Variants in NCOR1 observed in about 807,000 individuals in gnomAD.
The protein encoded by NCOR1 is protein phosphatase 1, regulatory subunit 109.
NCOR1 carries 63 observed loss-of-function variants against 288.1 expected under a neutral mutation model. That is an observed-to-expected ratio of 0.22 (90% CI 0.18 to 0.27). NCOR1 has a LOEUF of 0.27. Ranked by LOEUF, NCOR1 falls within the 10% of genes least tolerant of loss-of-function variation. The pLI is 1.00. For synonymous variants in NCOR1, 1,007 were observed against 1,065.9 expected, an observed-to-expected ratio of 0.94 and a Z score of 1.08; for missense variants, 2,397 against 3,019.2, an observed-to-expected ratio of 0.79 and a Z score of 4.83.
chr17:16,140,751 T>C lies in NCOR1; in HGVS notation c.1174-1565A>G, dbSNP rs1033091783. ...ATCGCTTGAACCTGGGACGCGGAGGTTGCAGTGAGCCAAGATCGTGCCACT... is the reference window on the plus strand; with the variant it reads ...ATCGCTTGAACCTGGGACGCGGAGGCTGCAGTGAGCCAAGATCGTGCCACT... On this transcript the variant is annotated intron_variant, in intron 11 of 45. Transcript: ENST00000268712. Among the ~76,000 whole-genome samples the C allele has an allele frequency of 5.9e-5, 9 of 151,954 alleles. 1 individual carries two copies. The highest frequency in any genetic ancestry group is 5.2e-4 in the Admixed American group (8 of 15,240).
At chr17:16,044,988 G>A in intron 42 of NCOR1, 1 of 480,392 alleles carries the variant, frequency 2.1e-6, no homozygotes, top group Non-Finnish European at 3.8e-6. Flanking sequence ...TCAATACAAA[G>A]CTGAACTTAA....
rs79497409 is a variant in NCOR1 at position 16,213,409 on chromosome 17, C to T, written c.-71+1953G>A. Among the ~76,000 whole-genome samples the T allele has an allele frequency of 2.6e-3, 385 of 148,188 alleles. 2 individuals carry two copies. Among genetic ancestry groups the T allele is most frequent in the African/African-American group, 9.1e-3 (367 of 40,118 alleles). On this transcript the variant is annotated intron_variant, in intron 1 of 45. Coordinates refer to ENST00000268712, the MANE Select transcript of NCOR1 (RefSeq NM_006311.4). ...TCGGGAGGCTGAGGCAGAAGAATTG[C>T]TTGAACCCGGAGGCGGAGGTTGCAA...
chr17:16,071,657 T>C lies in NCOR1; in HGVS notation c.3904A>G (p.Arg1302Gly). 1 of 1,609,200 alleles carries C rather than the reference T, an allele frequency of 6.2e-7. No homozygotes were observed. Among genetic ancestry groups the C allele is most frequent in the Non-Finnish European group, 8.5e-7 (1 of 1,177,928 alleles). ...LSGSIMQGTPRATTESFEDGL... is the reference protein window; with the variant it reads ...LSGSIMQGTPGATTESFEDGL... ...TCTTCAAAGCTTTCAGTTGTTGCTC[T>C]TGGTGTCCCTTGAAAAAGAATTCAG... The change falls in exon 30 of 46, where the codon AGA becomes GGA. Residue 1302 changes from arginine to glycine, a missense_variant. Physicochemically the swap from Arg to Gly is moderately radical, Grantham distance 125. Transcript: ENST00000268712.
intron 1 of NCOR1, among the ~76,000 whole-genome samples, chr17:16,210,545 C>T (rs890912929): frequency 5.3e-5 from 8 of 152,190 alleles, no homozygotes; most frequent in Admixed American, 3.9e-4. Flanking sequence ...AGAAGCTATT[C>T]ATCAAAGCAG....
chr17:16,049,214 T>G, intron 40 of NCOR1: 7 of 303,822 alleles, frequency 2.3e-5, no homozygotes, highest in East Asian at 5.8e-5. Context: ...GCGCGCCCCG[T>G]GGATCCAGGA....
chr17:16,032,771 A>G (rs189353225), intron 45 of NCOR1, among the ~76,000 whole-genome samples: 102 of 152,346 alleles, frequency 6.7e-4, no homozygotes, highest in South Asian at 1.4e-3. Context: ...AGTTAAGTCT[A>G]TATCAGATGT....
intron 11 of NCOR1, among the ~76,000 whole-genome samples, chr17:16,140,305 TA>T (rs1219444031): frequency 6.6e-6 from 1 of 152,192 alleles, no homozygotes; most frequent in African/African-American, 2.4e-5. Flanking sequence ...ACTTTAGAGG[TA>T]ATTTTAAAAG....
chr17:16,051,833 AC>A (rs1321567433), intron 40 of NCOR1, among the ~76,000 whole-genome samples: 5 of 152,016 alleles, frequency 3.3e-5, no homozygotes, highest in African/African-American at 1.2e-4. Context: ...AATTGCTTGA[AC>A]CAGGAGGCAG....
chr17:16,196,750 G>A (rs1221140135), intron 1 of NCOR1, among the ~76,000 whole-genome samples: 13 of 151,168 alleles, frequency 8.6e-5, no homozygotes, highest in Admixed American at 5.3e-4. Context: ...GCGTGAACCC[G>A]GGAGGCGGAG....
intron 42 of NCOR1, chr17:16,044,676 A>G (rs1210604719): frequency 1.5e-6 from 1 of 668,184 alleles, no homozygotes; most frequent in Non-Finnish European, 2.9e-6. Flanking sequence ...CTGCATGACA[A>G]TGAGGTGACC....
At chr17:16,087,357 A>G in intron 22 of NCOR1, 1 of 1,301,762 alleles carries the variant, frequency 7.7e-7, no homozygotes, top group Non-Finnish European at 1.0e-6. Flanking sequence ...TATGAAAGTT[A>G]AAGTTATCAA....
chr17:16,161,444 G>A (rs1003228516), intron 5 of NCOR1, among the ~76,000 whole-genome samples: 10 of 152,068 alleles, frequency 6.6e-5, no homozygotes, highest in African/African-American at 1.9e-4. Flanking sequence ...ACAGGCACCC[G>A]CCACCACACT....
At chr17:16,091,778 T>A in intron 22 of NCOR1, 85 bp downstream of exon 22, 4 of 1,591,846 alleles carry the variant, frequency 2.5e-6, no homozygotes, top group Non-Finnish European at 2.6e-6. Context: ...GGCTGACAAC[T>A]TACAAAGCAC....
chr17:16,076,781 T>C (rs2062521714), intron 26 of NCOR1, among the ~76,000 whole-genome samples: 1 of 152,034 alleles, frequency 6.6e-6, no homozygotes, highest in Non-Finnish European at 1.5e-5. Flanking sequence ...AAAGCCAAAC[T>C]TGCACCAAAA....
chr17:16,141,573 CAG>C (rs1331855802), intron 11 of NCOR1, among the ~76,000 whole-genome samples: 2 of 152,042 alleles, frequency 1.3e-5, no homozygotes, highest in Non-Finnish European at 2.9e-5. Context: ...GAATGCAAAA[CAG>C]GGTATCATAA....
intron 22 of NCOR1, among the ~76,000 whole-genome samples, chr17:16,089,304 G>T (rs2064789201): frequency 6.6e-6 from 1 of 152,034 alleles, no homozygotes; most frequent in Admixed American, 6.5e-5. Context: ...TGTTAAATTT[G>T]CATTAGAAGT....
At chr17:16,103,234 A>C (rs992952993) in intron 19 of NCOR1, among the ~76,000 whole-genome samples, 1 of 152,154 alleles carries the variant, frequency 6.6e-6, no homozygotes, top group Non-Finnish European at 1.5e-5. Flanking sequence ...GTCATCTTTT[A>C]AACCCTCTTC....
At chr17:16,145,666 G>C (rs1419409378) in intron 10 of NCOR1, among the ~76,000 whole-genome samples, 1 of 151,988 alleles carries the variant, frequency 6.6e-6, no homozygotes, top group African/African-American at 2.4e-5. Context: ...CGCCCCTTCC[G>C]GGAGGTGGGG....
intron 40 of NCOR1, among the ~76,000 whole-genome samples, chr17:16,052,882 T>A (rs61477293): frequency 6.6e-6 from 1 of 152,090 alleles, no homozygotes. Context: ...CAGCAAAATA[T>A]TAAAAAGCTT....
Sources: allele counts gnomAD v4.1 joint callset (sites outside exome capture counted in the v4.1 genomes callset), GRCh38; gene constraint gnomAD v4.1.1; transcripts MANE v1.5; gene names NCBI Gene and HGNC (gene_info 2026-07-23, HGNC 2026-07-21).